ELP2: variants seen among roughly 807,000 people sequenced by gnomAD.
The protein encoded by ELP2 is elongator complex protein 2.
A neutral mutation model predicts 119.2 loss-of-function variants in ELP2; 90 were observed. That is an observed-to-expected ratio of 0.75 (90% CI 0.64 to 0.90). The LOEUF (loss-of-function observed/expected upper bound fraction) is 0.90. ELP2 is among the 40% of genes least tolerant of loss of function. The probability of loss-of-function intolerance (pLI) is 0.00; values close to 1 mark genes in which losing one functional copy is unlikely to be tolerated. For missense variants in ELP2, 921 were observed against 967.8 expected, an observed-to-expected ratio of 0.95 and a Z score of 0.64; for synonymous variants, 339 against 331.0, an observed-to-expected ratio of 1.02 and a Z score of -0.26.
At position 36,175,498 on chromosome 18, in the gene ELP2, C is replaced by T. The variant is rs991830458; in HGVS notation, c.*857C>T. On this transcript the variant is annotated 3_prime_UTR_variant, in exon 22 of 22. Transcript: ENST00000358232. ...AGTACATAGATTTGTCTTTTTAGGG[C>T]TTTACTGAAAGTAAAATATCCTGAC... 1.4e-4 allele frequency: 21 copies of T among 152,116 alleles called. No individual in the cohort carries two copies. Among genetic ancestry groups the T allele is most frequent in the Admixed American group, 6.5e-5 (1 of 15,276 alleles). 9.4% of individuals were successfully genotyped at this position (152,116 alleles called of 1,614,324 possible).
chr18:36,153,314 C>T (rs1299759600), intron 11 of ELP2, among the ~76,000 whole-genome samples: 1 of 152,178 alleles, frequency 6.6e-6, no homozygotes, highest in Non-Finnish European at 1.5e-5. Flanking sequence ...TTGGTGAGCA[C>T]ATGATCAAAG....
In ELP2 at chr18:36,156,484, G is replaced by T. The variant is rs751683715; in HGVS notation, c.1294G>T (p.Ala432Ser). 1.2e-6 allele frequency: 2 copies of T among 1,614,070 alleles called. No homozygotes were observed. The highest frequency in any genetic ancestry group is 8.5e-7 in the Non-Finnish European group (1 of 1,179,978). Residue 432 changes from alanine (A) to serine (S), a missense_variant, in exon 13 of 22, where the codon GCA becomes TCA. Coordinates refer to ENST00000358232, the MANE Select transcript of ELP2 (RefSeq NM_018255.4). Reference protein sequence around the residue: ...DQSQVTWHEIARPQIHGYDLK... With the variant: ...DQSQVTWHEISRPQIHGYDLK... Reference sequence around the variant, plus strand: ...TACCCAGGTGACTTGGCATGAAATTGCAAGGCCTCAGATACATGGGTATGA... The same window carrying T: ...TACCCAGGTGACTTGGCATGAAATTTCAAGGCCTCAGATACATGGGTATGA...
intron 16 of ELP2, 28 bp downstream of exon 16, chr18:36,160,043 G>C (rs1261488884): frequency 6.2e-7 from 1 of 1,609,284 alleles, no homozygotes; most frequent in Non-Finnish European, 8.5e-7. Flanking sequence ...TAGCTCTTTG[G>C]TCTGATTCTG....
At chr18:36,136,161 G>T in intron 2 of ELP2, 146 bp from the exon 3 acceptor site, 1 of 649,868 alleles carries the variant, frequency 1.5e-6, no homozygotes. Flanking sequence ...GGAAGAGTGA[G>T]ATATTAAGCA....
At chr18:36,163,275 G>GGGGGGTGTGTGTGTGTGTGTGT (rs1555644861) in intron 17 of ELP2, among the ~76,000 whole-genome samples, 1 of 145,360 alleles carries the variant, frequency 6.9e-6, no homozygotes, top group African/African-American at 2.5e-5. Flanking sequence ...GTTCATGGGG[G>GGGGGGTGTGTGTGTGTGTGTGT]GTGTGTGTGT....
At chr18:36,147,838 G>GT (rs144544637) in intron 11 of ELP2, among the ~76,000 whole-genome samples, 6,864 of 152,192 alleles carry the variant, frequency 0.045, 491 homozygotes, top group African/African-American at 0.15. Context: ...TTATTGTTGT[G>GT]TTTTTTATTA....
chr18:36,145,124 G>C lies in ELP2; in HGVS notation c.892+90G>C. 7 of 982,830 alleles carry C rather than the reference G, an allele frequency of 7.1e-6. No individual in the cohort carries two copies. In the Middle Eastern group the frequency reaches 1.5e-3, roughly 205 times the overall value. 60.9% of individuals were successfully genotyped at this position (982,830 alleles called of 1,614,324 possible). ...AAATCAAGTGGAGAATTTTTTTACT[G>C]TGATTAGAAATCTCAAATACATGAC... On this transcript the variant is annotated intron_variant, in intron 9 of 21. Transcript: ENST00000358232.
rs2090507004 is a variant in ELP2 at position 36,154,726 on chromosome 18, C to T, written c.1126-124C>T. 4.0e-6 allele frequency: 4 copies of T among 1,001,108 alleles called. No individual in the cohort carries two copies. In the Admixed American group the frequency reaches 5.3e-5, roughly 13 times the overall value. 62.0% of individuals were successfully genotyped at this position (1,001,108 alleles called of 1,614,324 possible). A position where few individuals can be genotyped will look rare whatever the true frequency, so the allele number is the denominator to read the frequency against. The stretch of plus-strand genomic sequence containing the variant: ...GGATCCTATTATTCTGTGATCCGAT[C>T]TTGTATACTTAGCTTTTCACCTTGC... On this transcript the variant is annotated intron_variant, in intron 11 of 21. Coordinates refer to ENST00000358232, the MANE Select transcript of ELP2 (RefSeq NM_018255.4).
chr18:36,158,617 A>T, intron 13 of ELP2: 1 of 469,602 alleles, frequency 2.1e-6, no homozygotes, highest in Middle Eastern at 6.2e-4. Flanking sequence ...GAGGCCTGGT[A>T]GGGCTTGTCT....
At chr18:36,169,749 TGATGGGACTCCACTG>T (rs762047702) in intron 19 of ELP2, among the ~76,000 whole-genome samples, 26 of 152,262 alleles carry the variant, frequency 1.7e-4, no homozygotes, top group Non-Finnish European at 2.9e-4. Context: ...ATGAGCCTAC[TGATGGGACTCCACTG>T]GATCAGAACC....
chr18:36,150,382 A>G (rs771360016), intron 11 of ELP2, among the ~76,000 whole-genome samples: 2 of 152,232 alleles, frequency 1.3e-5, no homozygotes, highest in Non-Finnish European at 2.9e-5. Context: ...GGTAGTATAA[A>G]GCATTTCCGT....
At chr18:36,140,855 G>C (rs906579353) in intron 5 of ELP2, among the ~76,000 whole-genome samples, 1 of 152,128 alleles carries the variant, frequency 6.6e-6, no homozygotes, top group Non-Finnish European at 1.5e-5. Context: ...AGTTGCTCTT[G>C]AGCTTATTTT....
Position 36,156,623 on chromosome 18 carries a change from C to G in ELP2, c.1433C>G (p.Thr478Arg), listed in dbSNP as rs772933695. 1 of 1,614,102 alleles carries G rather than the reference C, an allele frequency of 6.2e-7. No homozygotes were observed. Among genetic ancestry groups the G allele is most frequent in the Non-Finnish European group, 8.5e-7 (1 of 1,179,996 alleles). The part of the protein sequence containing the change: ...RNFVENFCAI[T>R]GQSLNHVLCN... ...TTTGTGGAAAATTTTTGTGCCATTACAGGACAATCACTGAATCATGTGCTC... is the reference window on the plus strand; with the variant it reads ...TTTGTGGAAAATTTTTGTGCCATTAGAGGACAATCACTGAATCATGTGCTC... Residue 478 changes from threonine to arginine, a missense_variant, in exon 13 of 22, where the codon ACA becomes AGA. Transcript: ENST00000358232.
chr18:36,151,688 T>C (rs1341342206), intron 11 of ELP2, among the ~76,000 whole-genome samples: 1 of 150,932 alleles, frequency 6.6e-6, no homozygotes, highest in African/African-American at 2.4e-5. Context: ...TTCTTTGGGC[T>C]GAAGAAATGA....
intron 17 of ELP2, among the ~76,000 whole-genome samples, chr18:36,163,362 C>G (rs1340292043): frequency 6.6e-6 from 1 of 151,286 alleles, no homozygotes; most frequent in Non-Finnish European, 1.5e-5. Flanking sequence ...TTTATATACC[C>G]TGGATACAAC....
rs896728847 is a variant in ELP2, at chr18:36,155,319, G to A, written c.1275+320G>A. 5.3e-5 allele frequency among the ~76,000 whole-genome samples: 7 copies of A among 132,250 alleles called. No homozygotes were observed. The East Asian group carries it at 7.6e-4, about 14-fold the overall frequency. 86.8% of individuals were successfully genotyped at this position (132,250 alleles called of 152,430 possible). A position where few individuals can be genotyped will look rare whatever the true frequency, so the allele number is the denominator to read the frequency against. ...TTATAGGCATGAGCCACTGCAGCCG[G>A]CCTCTTCTTATTTTACTAATGTGTT... is the stretch of plus-strand genomic sequence containing the variant. On this transcript the variant is annotated intron_variant, in intron 12 of 21. Coordinates refer to ENST00000358232, the MANE Select transcript of ELP2 (RefSeq NM_018255.4).
At position 36,176,972 on chromosome 18, in the gene ELP2, C is replaced by T. The variant is rs539893320; in HGVS notation, c.*2331C>T. The T allele has an allele frequency of 9.9e-5, 15 of 152,068 alleles. No homozygotes were observed. Among genetic ancestry groups the T allele is most frequent in the Non-Finnish European group, 1.9e-4 (13 of 67,998 alleles). 9.4% of individuals were successfully genotyped at this position (152,068 alleles called of 1,614,324 possible). On this transcript the variant is annotated 3_prime_UTR_variant, in exon 22 of 22. Coordinates refer to ENST00000358232, the MANE Select transcript of ELP2 (RefSeq NM_018255.4). ...AGGAAAAGTTTTCTGTAGTGACGCA[C>T]GTGTTGTGTGTGTATGTGTGCGTTT...
rs946711512 is a variant in ELP2, at chr18:36,176,485, A to G, written c.*1844A>G. On this transcript the variant is annotated 3_prime_UTR_variant, in exon 22 of 22. Transcript: ENST00000358232. ...AACTTAGTCCTTTAGCTTTCCTCCC[A>G]GCACAGAACTCCCAAGGTTATCTGC... is the stretch of plus-strand genomic sequence containing the variant. The G allele has an allele frequency of 2.0e-5, 3 of 152,064 alleles. No individual in the cohort carries two copies. Among genetic ancestry groups the G allele is most frequent in the Non-Finnish European group, 2.9e-5 (2 of 68,040 alleles). The allele number at this position is 152,064 out of a possible 1,614,324, so 9.4% of individuals were successfully genotyped here. A position where few individuals can be genotyped will look rare whatever the true frequency, so the allele number is the denominator to read the frequency against.
Position 36,163,481 on chromosome 18 carries a change from AT to A in ELP2, c.1762-983del, listed in dbSNP as rs551701846. Among the ~76,000 whole-genome samples, 1,193 of 146,932 alleles carry A rather than the reference AT, an allele frequency of 8.1e-3. 6 individuals carry two copies. Among genetic ancestry groups the A allele is most frequent in the South Asian group, 0.019 (86 of 4,618 alleles). On this transcript the variant is annotated intron_variant, in intron 17 of 21. Coordinates refer to ENST00000358232, the MANE Select transcript of ELP2 (RefSeq NM_018255.4). ...TGTTTTGGTGAAGTCCAGTTTATCA[AT>A]TTTTTTTTTTAATTAGGCTGTGTCT...
Sources: gnomAD v4.1 joint callset for allele counts (sites outside exome capture counted in the v4.1 genomes callset) on GRCh38, gnomAD v4.1.1 for gene constraint, MANE v1.5 for transcripts, NCBI Gene and HGNC (gene_info 2026-07-23, HGNC 2026-07-21) for gene names.